Variants in MROH7 observed in about 807,000 individuals in gnomAD.
The protein encoded by MROH7 is maestro heat like repeat family member 7.
MROH7 carries 113 observed loss-of-function variants against 129.2 expected under a neutral mutation model. The observed-to-expected ratio is 0.87, with a 90% CI of 0.75 to 1.02. MROH7 has a LOEUF of 1.02. Ranked by LOEUF, MROH7 falls within the 50% of genes least tolerant of loss-of-function variation. The pLI is 0.00. For synonymous variants in MROH7, 655 were observed against 667.9 expected (o/e 0.98, Z 0.30); for missense variants, 1,601 against 1,671.3 (o/e 0.96, Z 0.73).
intron 16 of MROH7, among the ~76,000 whole-genome samples, chr1:54,694,041 C>T (rs1310850609): frequency 3.3e-5 from 5 of 152,298 alleles, no homozygotes; most frequent in East Asian, 1.9e-4. Context: ...GCCACCACGC[C>T]TGGCTAATTT....
chr1:54,690,568 C>G (rs942748966), intron 15 of MROH7, among the ~76,000 whole-genome samples: 1 of 150,900 alleles, frequency 6.6e-6, no homozygotes, highest in Non-Finnish European at 1.5e-5. Flanking sequence ...CTCAGCCTCC[C>G]GAGTAGCTGG....
At chr1:54,651,185 A>G (rs907792295) in intron 1 of MROH7, 1 of 152,438 alleles carries the variant, frequency 6.6e-6, no homozygotes, top group African/African-American at 2.4e-5. Context: ...ATAATGAAAT[A>G]ACACAAACGG....
In MROH7 at chr1:54,647,391, A is replaced by G. The variant is rs1187253208; in HGVS notation, c.-109-4558A>G. ...TTGGAGAGGCTGAGGCAGGAGGATC[A>G]CTTGAGGTCAGGAGTTTGAGACCAG... On this transcript the variant is annotated intron_variant, in intron 1 of 23. Coordinates refer to ENST00000421030, the MANE Select transcript of MROH7 (RefSeq NM_001039464.4). 2.6e-5 allele frequency among the ~76,000 whole-genome samples: 4 copies of G among 151,970 alleles called. No individual in the cohort carries two copies. The East Asian group carries it at 7.8e-4, about 30-fold the overall frequency.
Position 54,678,753 on chromosome 1 carries a change from A to T in MROH7, c.1948A>T (p.Lys650Ter). 6.2e-7 allele frequency: 1 copy of T among 1,613,502 alleles called. No homozygotes were observed. Among genetic ancestry groups the T allele is most frequent in the Non-Finnish European group, 8.5e-7 (1 of 1,179,480 alleles). ...TTCTCATCTTGCAGGAGCCAGAGAT[A>T]AGGAAGAGACCAACAAAAAGGAGCT... ...ILELQKRARD[K>*]EETNKKELYE... The change falls in exon 11 of 24, where the codon AAG becomes TAG. Residue 650 changes from lysine (K) to a stop codon, truncating the protein, a stop_gained. Transcript: ENST00000421030. LOFTEE classifies it high-confidence loss of function.
chr1:54,666,395 A>C (rs1470121868), intron 4 of MROH7, among the ~76,000 whole-genome samples: 5 of 151,110 alleles, frequency 3.3e-5, no homozygotes, highest in Non-Finnish European at 7.4e-5. Flanking sequence ...GATCCTGGCA[A>C]AACAGGTTAT....
chr1:54,681,105 C>G (rs1417681483), intron 13 of MROH7, among the ~76,000 whole-genome samples: 1 of 152,160 alleles, frequency 6.6e-6, no homozygotes, highest in Non-Finnish European at 1.5e-5. Flanking sequence ...GGCAGAGGCA[C>G]CCAGGGCATA....
At chr1:54,708,867 C>T in intron 22 of MROH7, 147 bp from the exon 23 acceptor site, 1 of 712,306 alleles carries the variant, frequency 1.4e-6, no homozygotes, top group Non-Finnish European at 2.5e-6. Context: ...GGAATCTGTC[C>T]CAGGGTCCAA....
intron 7 of MROH7, among the ~76,000 whole-genome samples, chr1:54,672,302 A>G (rs959708889): frequency 2.0e-5 from 3 of 152,040 alleles, no homozygotes; most frequent in Non-Finnish European, 4.4e-5. Context: ...TATAACCCCA[A>G]GGACCACTGG....
chr1:54,678,146 A>G (rs941421893), intron 10 of MROH7, among the ~76,000 whole-genome samples: 1 of 152,192 alleles, frequency 6.6e-6, no homozygotes, highest in Non-Finnish European at 1.5e-5. Flanking sequence ...CTGTTTGGCA[A>G]TATCTTCTGT....
intron 1 of MROH7, among the ~76,000 whole-genome samples, chr1:54,650,752 A>G (rs527254095): frequency 8.5e-4 from 124 of 146,108 alleles, no homozygotes; most frequent in African/African-American, 3.1e-3. Flanking sequence ...GAGACAGGGT[A>G]TCACTTTGTC....
In MROH7 at chr1:54,702,092, A is replaced by T; in HGVS notation, c.3288A>T (p.Ala1096=). ...LQILLPHFSD[A]REVVRSSCIN... ...TCTGAGCCTTTGGTCTTCCCCAGGC[A>T]CGAGAGGTCGTGCGCTCCTCCTGCA... The change falls in exon 20 of 24, where the codon GCA becomes GCT. Residue 1096 remains alanine (A), a splice_region_variant and synonymous_variant. Coordinates refer to ENST00000421030, the MANE Select transcript of MROH7 (RefSeq NM_001039464.4). 2 of 1,592,554 alleles carry T rather than the reference A, an allele frequency of 1.3e-6. No individual in the cohort carries two copies. The highest frequency in any genetic ancestry group is 1.7e-6 in the Non-Finnish European group (2 of 1,168,104).
intron 22 of MROH7, 47 bp from the exon 23 acceptor site, chr1:54,708,967 G>GGGGGGGGGCCCC: frequency 7.5e-7 from 1 of 1,329,390 alleles, no homozygotes; most frequent in Non-Finnish European, 1.0e-6. Flanking sequence ...TTGGGGTGGG[G>GGGGGGGGGCCCC]TCGACGTCGG....
intron 10 of MROH7, among the ~76,000 whole-genome samples, chr1:54,674,383 C>T (rs1242897377): frequency 6.6e-6 from 1 of 152,176 alleles, no homozygotes; most frequent in Non-Finnish European, 1.5e-5. Flanking sequence ...TGCTTTTTCT[C>T]ATCCTTCCAA....
rs1644939292 is a variant in MROH7 at position 54,673,770 on chromosome 1, G to T, written c.1765G>T (p.Val589Leu). The T allele has an allele frequency of 6.2e-7, 1 of 1,614,154 alleles. No homozygotes were observed. Among genetic ancestry groups the T allele is most frequent in the Non-Finnish European group, 8.5e-7 (1 of 1,180,002 alleles). Residue 589 changes from valine to leucine, a missense_variant, in exon 9 of 24, where the codon GTG (valine) becomes TTG (leucine). Val to Leu is a conservative substitution (Grantham distance 32). Transcript: ENST00000421030. ...RARAVNTNVS[V>L]LNHMLLTLPF... ...ACGGGCTGTGAACACCAATGTCTCT[G>T]TGTTGAACCACATGCTTCTAACTCT...
At chr1:54,665,819 G>A (rs1480822040) in intron 4 of MROH7, 1 of 153,342 alleles carries the variant, frequency 6.5e-6, no homozygotes, top group Non-Finnish European at 1.5e-5. Flanking sequence ...GATCCATCCA[G>A]GCCCAGACAT....
At position 54,702,142 on chromosome 1, in the gene MROH7, A is replaced by G. The variant is rs564462171; in HGVS notation, c.3338A>G (p.Gln1113Arg). Residue 1113 changes from glutamine to arginine, a missense_variant, in exon 20 of 24, where the codon CAG becomes CGG. Transcript: ENST00000421030. ...ATCAACCTGTATGGGAAGGTGGTCC[A>G]GAAGCTTCGGGCACCACGCACTCAG... Reference protein sequence around the residue: ...SCINLYGKVVQKLRAPRTQAM... With the variant: ...SCINLYGKVVRKLRAPRTQAM... 501 of 1,611,956 alleles carry G rather than the reference A, an allele frequency of 3.1e-4. 6 individuals carry two copies. In the South Asian group the frequency reaches 5.1e-3, roughly 17 times the overall value.
rs193107585 is a variant in MROH7 at position 54,665,635 on chromosome 1, G to A, written c.1305+395G>A. Reference sequence around the variant, plus strand: ...ACAGTCAGGCCCAACCCAGGTCTGGGCCATGTGGCAGGCTCAGGAGGCCCA... The same window carrying A: ...ACAGTCAGGCCCAACCCAGGTCTGGACCATGTGGCAGGCTCAGGAGGCCCA... On this transcript the variant is annotated intron_variant, in intron 4 of 23. Coordinates refer to ENST00000421030, the MANE Select transcript of MROH7 (RefSeq NM_001039464.4). The A allele has an allele frequency of 5.4e-4, 89 of 164,778 alleles. 1 individual carries two copies. In the East Asian group the frequency reaches 0.015, roughly 27 times the overall value. 10.2% of individuals were successfully genotyped at this position (164,778 alleles called of 1,614,324 possible). A position where few individuals can be genotyped will look rare whatever the true frequency, so the allele number is the denominator to read the frequency against.
At position 54,702,697 on chromosome 1, in the gene MROH7, G is replaced by T; in HGVS notation, c.3516G>T (p.Lys1172Asn). ...WELPKRAYSR[K>N]PWDNQQQTVA... ...TGCCAAAAAGAGCTTATAGCCGGAA[G>T]CCCTGGGACAACCAACAGCAGACAG... The change falls in exon 21 of 24, where the codon AAG becomes AAT. Residue 1172 changes from lysine to asparagine, a missense_variant. Coordinates refer to ENST00000421030, the MANE Select transcript of MROH7 (RefSeq NM_001039464.4). 1 of 1,613,906 alleles carries T rather than the reference G, an allele frequency of 6.2e-7. No homozygotes were observed. The highest frequency in any genetic ancestry group is 2.2e-5 in the East Asian group (1 of 44,864).
At chr1:54,668,180 A>AG (rs1358901171) in intron 4 of MROH7, among the ~76,000 whole-genome samples, 1 of 152,200 alleles carries the variant, frequency 6.6e-6, no homozygotes, top group African/African-American at 2.4e-5. Flanking sequence ...AGTTTCCTTA[A>AG]GGACTAGTCC....
Sources: gnomAD v4.1 joint callset for allele counts (sites outside exome capture counted in the v4.1 genomes callset) on GRCh38, gnomAD v4.1.1 for gene constraint, MANE v1.5 for transcripts, NCBI Gene and HGNC (gene_info 2026-07-23, HGNC 2026-07-21) for gene names.